The following AFDN variants were observed in gnomAD, a reference collection of about 807,000 sequenced individuals.
AFDN encodes afadin.
AFDN carries 68 observed loss-of-function variants against 216.6 expected under a neutral mutation model. That is an observed-to-expected ratio of 0.31 (90% CI 0.26 to 0.38). AFDN has a LOEUF of 0.38. AFDN is among the 10% of genes least tolerant of loss of function. The pLI is 1.00. For missense variants in AFDN, 2,136 were observed against 2,342.0 expected (o/e 0.91, Z 1.82); for synonymous variants, 868 against 853.7 (o/e 1.02, Z -0.29).
Position 167,970,151 on chromosome 6 carries a change from C to A in AFDN, c.*216C>A. On this transcript the variant is annotated 3_prime_UTR_variant, in exon 34 of 34. Transcript: ENST00000683244. Reference sequence around the variant, plus strand: ...GCCATTTATGTAATTTAAACACTGTCTAGTTTCTTAATTATCTAACTCACA... The same window carrying A: ...GCCATTTATGTAATTTAAACACTGTATAGTTTCTTAATTATCTAACTCACA... 3 of 489,162 alleles carry A rather than the reference C, an allele frequency of 6.1e-6. No individual in the cohort carries two copies. The highest frequency in any genetic ancestry group is 1.1e-5 in the Non-Finnish European group (3 of 284,998). The allele number at this position is 489,162 out of a possible 1,614,324, so 30.3% of individuals were successfully genotyped here.
At position 167,872,247 on chromosome 6, in the gene AFDN, A is replaced by G; in HGVS notation, c.448A>G (p.Lys150Glu). Reference protein sequence around the residue: ...AQSNGPEKQEKEGVIQNFKRT... With the variant: ...AQSNGPEKQEEEGVIQNFKRT... ...AAGTAATGGACCTGAAAAGCAGGAA[A>G]AAGAAGGGGTTATCCAGAACTTCAA... The change falls in exon 4 of 34, where the codon AAA (lysine) becomes GAA (glutamate). Residue 150 changes from lysine to glutamate, a missense_variant. Transcript: ENST00000683244. 2 of 1,612,376 alleles carry G rather than the reference A, an allele frequency of 1.2e-6. No homozygotes were observed. The highest frequency in any genetic ancestry group is 1.7e-6 in the Non-Finnish European group (2 of 1,179,616).
At chr6:167,893,967 A>G in intron 9 of AFDN, 61 bp downstream of exon 9, 1 of 1,233,110 alleles carries the variant, frequency 8.1e-7, no homozygotes, top group Non-Finnish European at 1.2e-6. Context: ...CATGGGCAGA[A>G]TAGTGTTGAA....
chr6:167,947,469 A>T (rs201159622), intron 27 of AFDN, among the ~76,000 whole-genome samples: 1 of 121,178 alleles, frequency 8.3e-6, no homozygotes, highest in Admixed American at 9.0e-5. Context: ...TTGAGCCACC[A>T]TGCCCAGCCA....
At chr6:167,934,206 A>G (rs1030953301) in intron 23 of AFDN, among the ~76,000 whole-genome samples, 1 of 152,134 alleles carries the variant, frequency 6.6e-6, no homozygotes, top group Middle Eastern at 3.2e-3. Flanking sequence ...GAGGGAAGAG[A>G]TAGATGTGGT....
intron 15 of AFDN, 89 bp downstream of exon 15, chr6:167,911,578 T>G (rs1790405313): frequency 8.5e-7 from 1 of 1,177,136 alleles, no homozygotes; most frequent in Non-Finnish European, 1.2e-6. Flanking sequence ...GGCTTCTCAT[T>G]TGGTTACAAG....
intron 32 of AFDN, 97 bp from the exon 33 acceptor site, chr6:167,969,017 A>G (rs1206817472): frequency 9.7e-6 from 9 of 930,264 alleles, no homozygotes; most frequent in Non-Finnish European, 1.6e-5. Flanking sequence ...TACTCAGTAA[A>G]GGTATTTTTG....
At position 167,902,334 on chromosome 6, in the gene AFDN, C is replaced by T. The variant is rs768709033; in HGVS notation, c.1598C>T (p.Thr533Ile). 6.2e-7 allele frequency: 1 copy of T among 1,612,714 alleles called. No homozygotes were observed. The highest frequency in any genetic ancestry group is 1.1e-5 in the South Asian group (1 of 91,038). Residue 533 changes from threonine to isoleucine, a missense_variant, in exon 12 of 34, where the codon ACT becomes ATT. Around this residue, in one of 8 missense-constraint regions of AFDN, gnomAD observed 817 missense variants for 965.7 expected, o/e 0.85. Transcript: ENST00000683244. ...RHKPGIVQET[T>I]FDLGGDIHSG... ...CCCATCAGAATTGTTCAGGAGACAA[C>T]TTTTGATTTGGGAGGAGATATTCAT...
At position 167,911,119 on chromosome 6, in the gene AFDN, G is replaced by C. The variant is rs1790331274; in HGVS notation, c.1788G>C (p.Gly596=). The C allele has an allele frequency of 3.1e-6, 5 of 1,613,852 alleles. No homozygotes were observed. The East Asian group carries it at 1.1e-4, about 36-fold the overall frequency. The change falls in exon 14 of 34, where the codon GGG becomes GGC. Residue 596 remains glycine (G), a synonymous_variant. Transcript: ENST00000683244. Reference sequence around the variant, plus strand: ...CTTTTAGAACACAGGATGCTTCTGGGCCTGAGCTGATACTACCTGCAAGCA... The same window carrying C: ...CTTTTAGAACACAGGATGCTTCTGGCCCTGAGCTGATACTACCTGCAAGCA... ...RQESRTQDAS[G]PELILPASIE...
At chr6:167,835,383 A>G (rs1780309307) in intron 1 of AFDN, among the ~76,000 whole-genome samples, 1 of 152,240 alleles carries the variant, frequency 6.6e-6, no homozygotes, top group South Asian at 2.1e-4. Context: ...AAGTAAAAAA[A>G]TGGTGTTCCA....
chr6:167,872,423 A>T, intron 4 of AFDN, 46 bp downstream of exon 4: 2 of 1,564,070 alleles, frequency 1.3e-6, no homozygotes, highest in Non-Finnish European at 1.7e-6. Flanking sequence ...GCTCCAAATC[A>T]GATGTTTTTG....
intron 4 of AFDN, among the ~76,000 whole-genome samples, 185 bp from the exon 5 acceptor site, chr6:167,875,150 G>A (rs892291870): frequency 6.6e-6 from 1 of 152,128 alleles, no homozygotes; most frequent in East Asian, 1.9e-4. Flanking sequence ...ATTAGTTTGT[G>A]TTGAGAGAAA....
chr6:167,865,830 T>G (rs1358677897), intron 2 of AFDN, among the ~76,000 whole-genome samples: 1 of 152,126 alleles, frequency 6.6e-6, no homozygotes, highest in Non-Finnish European at 1.5e-5. Context: ...AATACTGCTT[T>G]CTTTGTACAT....
chr6:167,955,630 A>T (rs547036631), intron 30 of AFDN, among the ~76,000 whole-genome samples: 1 of 152,214 alleles, frequency 6.6e-6, no homozygotes, highest in African/African-American at 2.4e-5. Flanking sequence ...TTCTTATACT[A>T]TGAAGAATTC....
intron 30 of AFDN, among the ~76,000 whole-genome samples, chr6:167,956,114 CAAAAAAAAAA>C (rs59521151): frequency 4.6e-4 from 19 of 41,298 alleles, no homozygotes; most frequent in Middle Eastern, 0.016. Flanking sequence ...GACTTTGGCT[CAAAAAAAAAA>C]AAAAAAAAAA....
At chr6:167,899,152 T>A (rs963703218) in intron 11 of AFDN, among the ~76,000 whole-genome samples, 1 of 152,166 alleles carries the variant, frequency 6.6e-6, no homozygotes, top group African/African-American at 2.4e-5. Context: ...TGTTTTGTTC[T>A]ACGGCATGCC....
chr6:167,874,139 G>A lies in AFDN; in HGVS notation c.579-1196G>A, dbSNP rs569404347. 1.3e-3 allele frequency among the ~76,000 whole-genome samples: 195 copies of A among 152,316 alleles called. 1 individual carries two copies. Among genetic ancestry groups the A allele is most frequent in the Non-Finnish European group, 2.3e-3 (157 of 68,022 alleles). On this transcript the variant is annotated intron_variant, in intron 4 of 33. Coordinates refer to ENST00000683244, the MANE Select transcript of AFDN (RefSeq NM_001386888.1). ...CATGCCTGTAGCCTCAGCTAGTCAG[G>A]AGGCTAAGGTGGGAGGATTGCTTGA...
Position 167,969,947 on chromosome 6 carries a change from G to T in AFDN, c.*12G>T. ...TGAACACAAAGTGAAAGAAAATGAG[G>T]AGAACACTTTGTATTTACCCCAAAA... On this transcript the variant is annotated 3_prime_UTR_variant, in exon 34 of 34. Transcript: ENST00000683244. 6.3e-7 allele frequency: 1 copy of T among 1,597,944 alleles called. No homozygotes were observed. The highest frequency in any genetic ancestry group is 2.3e-5 in the East Asian group (1 of 44,190).
chr6:167,871,125 C>G (rs1295339340), intron 3 of AFDN, among the ~76,000 whole-genome samples: 1 of 151,180 alleles, frequency 6.6e-6, no homozygotes, highest in Non-Finnish European at 1.5e-5. Flanking sequence ...GCCCCGCCCC[C>G]CAACAGATTG....
chr6:167,844,923 G>A (rs1362142161), intron 1 of AFDN, among the ~76,000 whole-genome samples: 1 of 147,316 alleles, frequency 6.8e-6, no homozygotes, highest in African/African-American at 2.5e-5. Context: ...GCAGTGGCGC[G>A]ATCATAGCTC....
Sources: allele counts gnomAD v4.1 joint callset (sites outside exome capture counted in the v4.1 genomes callset), GRCh38; gene constraint gnomAD v4.1.1; regional missense constraint gnomAD v4.1.1; transcripts MANE v1.5; gene names NCBI Gene and HGNC (gene_info 2026-07-23, HGNC 2026-07-21).